The following FILIP1L variants were observed in gnomAD, a reference collection of about 807,000 sequenced individuals.
FILIP1L encodes filamin A interacting protein 1 like, also known as filamin A-interacting protein 1-like.
A neutral mutation model predicts 96.6 loss-of-function variants in FILIP1L; 55 were observed. That is an observed-to-expected ratio of 0.57 (90% CI 0.46 to 0.71). The LOEUF is 0.71. Ranked by LOEUF, FILIP1L falls within the 30% of genes least tolerant of loss-of-function variation. The pLI is 0.00. For missense variants in FILIP1L, 1,304 were observed against 1,321.2 expected (o/e 0.99, Z 0.20); for synonymous variants, 467 against 473.9 (o/e 0.99, Z 0.19).
chr3:100,013,886 G>A (rs529414570), intron 1 of FILIP1L, among the ~76,000 whole-genome samples: 52 of 152,140 alleles, frequency 3.4e-4, no homozygotes, highest in Non-Finnish European at 6.9e-4. Flanking sequence ...TATAGTCACC[G>A]TGCTTCACAA....
intron 4 of FILIP1L, among the ~76,000 whole-genome samples, chr3:99,915,672 G>A (rs1389374914): frequency 1.3e-5 from 2 of 151,580 alleles, no homozygotes; most frequent in African/African-American, 4.8e-5. Flanking sequence ...GCCCAGCTCA[G>A]TGTTATACAG....
intron 4 of FILIP1L, among the ~76,000 whole-genome samples, chr3:99,863,635 C>T (rs1281871464): frequency 6.6e-6 from 1 of 152,094 alleles, no homozygotes; most frequent in East Asian, 1.9e-4. Context: ...ATTTTGTGTA[C>T]TTTTAACTCT....
intron 1 of FILIP1L, among the ~76,000 whole-genome samples, chr3:100,038,438 G>A (rs958810242): frequency 6.6e-6 from 1 of 151,878 alleles, no homozygotes; most frequent in African/African-American, 2.4e-5. Flanking sequence ...CCATTTTTTT[G>A]CTTATAGAGA....
chr3:99,965,425 C>T (rs1235857879), intron 1 of FILIP1L, among the ~76,000 whole-genome samples: 1 of 152,132 alleles, frequency 6.6e-6, no homozygotes, highest in Non-Finnish European at 1.5e-5. Flanking sequence ...TGTGGATGTA[C>T]CAGCATGTTC....
chr3:99,949,312 T>G (rs1163272601), intron 1 of FILIP1L, among the ~76,000 whole-genome samples: 1 of 152,228 alleles, frequency 6.6e-6, no homozygotes, highest in Non-Finnish European at 1.5e-5. Context: ...GTTTGTTTGT[T>G]TTTAATAAGC....
chr3:99,963,570 A>G (rs1309368558), intron 1 of FILIP1L, among the ~76,000 whole-genome samples: 1 of 151,418 alleles, frequency 6.6e-6, no homozygotes, highest in Non-Finnish European at 1.5e-5. Flanking sequence ...GACTTTTAGC[A>G]CTCCTCTTTG....
intron 1 of FILIP1L, among the ~76,000 whole-genome samples, chr3:100,088,337 A>G (rs559957940): frequency 6.6e-6 from 1 of 152,328 alleles, no homozygotes; most frequent in South Asian, 2.1e-4. Flanking sequence ...ACGCTCAGAC[A>G]TTATGGAATA....
intron 1 of FILIP1L, among the ~76,000 whole-genome samples, chr3:100,082,472 T>C (rs185739791): frequency 2.9e-4 from 44 of 152,312 alleles, no homozygotes; most frequent in African/African-American, 1.1e-3. Context: ...ATGGTTTCTA[T>C]TTTCTTCTAT....
chr3:99,962,444 G>GTT (rs903223826), intron 1 of FILIP1L, among the ~76,000 whole-genome samples: 1 of 152,150 alleles, frequency 6.6e-6, no homozygotes, highest in Admixed American at 6.5e-5. Context: ...ATTATCTTTT[G>GTT]TTGTTAGAGA....
intron 1 of FILIP1L, among the ~76,000 whole-genome samples, chr3:100,085,011 A>G (rs912302431): frequency 1.4e-4 from 22 of 152,138 alleles, no homozygotes; most frequent in African/African-American, 5.3e-4. Flanking sequence ...TCATTTGTTG[A>G]ATTGTGGCGC....
chr3:99,975,534 GTGAGCCGAGGTCACACCATTGCAC>G (rs1345853438), intron 1 of FILIP1L, among the ~76,000 whole-genome samples: 1 of 151,812 alleles, frequency 6.6e-6, no homozygotes, highest in Middle Eastern at 3.2e-3. Context: ...AGACGTTGCA[GTGAGCCGAGGTCACACCATTGCAC>G]TCCAGCCTGC....
intron 1 of FILIP1L, among the ~76,000 whole-genome samples, chr3:100,003,666 A>G (rs1709906858): frequency 6.9e-6 from 1 of 145,970 alleles, no homozygotes; most frequent in Non-Finnish European, 1.5e-5. Flanking sequence ...TTGCAAGAAA[A>G]CTCTCCAGTT....
At chr3:100,093,996 G>A (rs2066159119) in intron 1 of FILIP1L, among the ~76,000 whole-genome samples, 6 of 152,120 alleles carry the variant, frequency 3.9e-5, no homozygotes, top group Admixed American at 3.9e-4. Flanking sequence ...CAGTTGCTGG[G>A]TTCATATGGT....
chr3:99,888,206 A>T (rs912767197), intron 4 of FILIP1L, among the ~76,000 whole-genome samples: 1 of 152,170 alleles, frequency 6.6e-6, no homozygotes, highest in Non-Finnish European at 1.5e-5. Context: ...CTTATTAAAT[A>T]TTAGAATAGC....
At chr3:99,965,327 C>T (rs1242633593) in intron 1 of FILIP1L, among the ~76,000 whole-genome samples, 1 of 152,142 alleles carries the variant, frequency 6.6e-6, no homozygotes, top group Non-Finnish European at 1.5e-5. Context: ...AAAGGTTGGC[C>T]TGTGTTCTTA....
chr3:99,887,908 AT>A lies in FILIP1L; in HGVS notation c.605+36321del, dbSNP rs564409321. ...AGGTGTGCACCACCACACCTGGCTAATTTTTTTTTTCCATAAAGATGGGGTT... is the reference window on the plus strand; with the variant it reads ...AGGTGTGCACCACCACACCTGGCTAATTTTTTTTTCCATAAAGATGGGGTT... On this transcript the variant is annotated intron_variant, in intron 4 of 5. Transcript: ENST00000477258. 9.4e-5 allele frequency among the ~76,000 whole-genome samples: 14 copies of A among 149,582 alleles called. No individual in the cohort carries two copies. The East Asian group carries it at 9.8e-4, about 11-fold the overall frequency.
intron 1 of FILIP1L, among the ~76,000 whole-genome samples, chr3:99,935,526 T>C (rs1707635897): frequency 6.6e-6 from 1 of 152,132 alleles, no homozygotes; most frequent in Non-Finnish European, 1.5e-5. Flanking sequence ...TGTTGTTGCT[T>C]ATAAAATGAG....
chr3:100,002,246 A>G (rs1055540098), intron 1 of FILIP1L, among the ~76,000 whole-genome samples: 7 of 152,202 alleles, frequency 4.6e-5, no homozygotes, highest in Non-Finnish European at 1.0e-4. Flanking sequence ...GTTTAGAGTT[A>G]GGTTAGAGCA....
chr3:99,988,094 T>C (rs1709399390), intron 1 of FILIP1L, among the ~76,000 whole-genome samples: 1 of 152,150 alleles, frequency 6.6e-6, no homozygotes. Context: ...AGAATCTTCT[T>C]TTTATATTCT....
Sources: allele counts gnomAD v4.1 joint callset (sites outside exome capture counted in the v4.1 genomes callset), GRCh38; gene constraint gnomAD v4.1.1; transcripts MANE v1.5; gene names NCBI Gene and HGNC (gene_info 2026-07-23, HGNC 2026-07-21).